Variants in CFAP47 observed in about 807,000 individuals in gnomAD.
CFAP47 encodes cilia- and flagella-associated protein 47.
In CFAP47, 29 loss-of-function variants were observed where a neutral mutation model predicts 148.1. That is an observed-to-expected ratio of 0.20 (90% confidence interval 0.15 to 0.27). The LOEUF is 0.27. Ranked by LOEUF, CFAP47 falls within the 10% of genes least tolerant of loss-of-function variation. The pLI is 1.00. For missense variants in CFAP47, 1,872 were observed against 1,697.5 expected, an observed-to-expected ratio of 1.10 and a Z score of -1.81; for synonymous variants, 664 against 577.3, an observed-to-expected ratio of 1.15 and a Z score of -2.15.
chrX:36,366,425 T>C (rs1216035648), intron 61 of CFAP47, among the ~76,000 whole-genome samples: 1 of 112,282 alleles, frequency 8.9e-6, no homozygotes, highest in Non-Finnish European at 1.9e-5. Flanking sequence ...AAGGTGTATG[T>C]GGTCTTTACC....
At chrX:36,080,236 A>G (rs1937949251) in intron 29 of CFAP47, among the ~76,000 whole-genome samples, 1 of 111,903 alleles carries the variant, frequency 8.9e-6, no homozygotes, top group Non-Finnish European at 1.9e-5. Context: ...GTGAGATACC[A>G]TCTCACATCC....
intron 54 of CFAP47, among the ~76,000 whole-genome samples, chrX:36,305,910 C>T (rs1046903828): frequency 5.4e-5 from 6 of 111,162 alleles, no homozygotes; most frequent in African/African-American, 2.0e-4. Flanking sequence ...GTGTAATAAA[C>T]AGGTGACTGT....
intron 2 of CFAP47, among the ~76,000 whole-genome samples, chrX:35,928,000 TA>T (rs1303919566): frequency 7.1e-4 from 60 of 84,552 alleles, no homozygotes; most frequent in African/African-American, 2.3e-3. Context: ...TTCTATTTTA[TA>T]TATATATATA....
intron 29 of CFAP47, among the ~76,000 whole-genome samples, chrX:36,074,177 G>T (rs1032685162): frequency 8.9e-6 from 1 of 111,942 alleles, no homozygotes; most frequent in Non-Finnish European, 1.9e-5. Flanking sequence ...CTTTGTCCCT[G>T]CTGTGAGAAA....
intron 57 of CFAP47, among the ~76,000 whole-genome samples, chrX:36,344,251 G>A (rs1344458339): frequency 4.2e-5 from 3 of 72,178 alleles, no homozygotes; most frequent in African/African-American, 2.4e-4. Flanking sequence ...AAAAAAAAGA[G>A]AGAAAGAAAA....
rs142497107 is a variant in CFAP47 at position 36,118,501 on chromosome X, G to A, written c.5320+13810G>A. Among the ~76,000 whole-genome samples the A allele has an allele frequency of 6.5e-3, 717 of 110,111 alleles. 8 individuals are homozygous for A. Among genetic ancestry groups the A allele is most frequent in the African/African-American group, 0.023 (694 of 30,146 alleles). ...ATTTATTTTTTTGAGATGGAGTCTTGCTCTGTCACCCAGGCTGGAATGCCG... is the reference window on the plus strand; with the variant it reads ...ATTTATTTTTTTGAGATGGAGTCTTACTCTGTCACCCAGGCTGGAATGCCG... On this transcript the variant is annotated intron_variant, in intron 33 of 63. Transcript: ENST00000378653.
At chrX:36,134,155 G>A (rs1431477923) in intron 33 of CFAP47, among the ~76,000 whole-genome samples, 1 of 110,986 alleles carries the variant, frequency 9.0e-6, no homozygotes, top group East Asian at 2.8e-4. Context: ...ACAAAACACT[G>A]ATGAAAGCAA....
chrX:36,169,463 T>A (rs1287488126), intron 39 of CFAP47, among the ~76,000 whole-genome samples: 1 of 111,095 alleles, frequency 9.0e-6, no homozygotes, highest in East Asian at 2.8e-4. Context: ...ATTATTTTTC[T>A]CCCTGTTCCT....
chrX:35,938,280 A>G (rs930844427), intron 2 of CFAP47, among the ~76,000 whole-genome samples: 24 of 110,851 alleles, frequency 2.2e-4, no homozygotes, highest in Non-Finnish European at 4.5e-4. Flanking sequence ...AGTTTTTTTC[A>G]TGATCACCAG....
intron 3 of CFAP47, among the ~76,000 whole-genome samples, chrX:35,945,872 T>TC (rs1017086883): frequency 3.2e-5 from 2 of 63,237 alleles, no homozygotes; most frequent in Non-Finnish European, 2.8e-5. Context: ...TCTCCTTCTC[T>TC]TTTTTTTTTT....
chrX:36,322,142 ATG>A (rs1160530824), intron 57 of CFAP47, among the ~76,000 whole-genome samples: 38 of 111,202 alleles, frequency 3.4e-4, no homozygotes, highest in Non-Finnish European at 6.2e-4. Flanking sequence ...TATGTTTGCA[ATG>A]TGACTTATCT....
intron 15 of CFAP47, among the ~76,000 whole-genome samples, chrX:35,978,836 T>C (rs765090270): frequency 8.9e-6 from 1 of 112,229 alleles, no homozygotes; most frequent in Non-Finnish European, 1.9e-5. Context: ...TGCCTCTCTC[T>C]ATATTTTTAT....
At chrX:36,285,140 G>A (rs1006192874) in intron 50 of CFAP47, among the ~76,000 whole-genome samples, 2 of 110,660 alleles carry the variant, frequency 1.8e-5, no homozygotes, top group African/African-American at 6.5e-5. Context: ...AAATTCTTAG[G>A]ATCCTTTTTC....
intron 29 of CFAP47, among the ~76,000 whole-genome samples, chrX:36,078,778 T>C (rs952503603): frequency 2.7e-5 from 3 of 111,441 alleles, no homozygotes; most frequent in African/African-American, 9.8e-5. Flanking sequence ...GCAATGATGG[T>C]CTTTACAATT....
chrX:36,017,409 A>G (rs1937109337), intron 22 of CFAP47, among the ~76,000 whole-genome samples: 1 of 112,152 alleles, frequency 8.9e-6, no homozygotes, highest in African/African-American at 3.2e-5. Flanking sequence ...TCGTTTGTCC[A>G]GTTTTGCTTT....
intron 58 of CFAP47, among the ~76,000 whole-genome samples, chrX:36,348,924 T>C (rs1941720359): frequency 1.8e-5 from 2 of 111,871 alleles, no homozygotes; most frequent in Admixed American, 1.9e-4. Context: ...TTGTCCTACA[T>C]GTGCATATTT....
chrX:36,319,176 T>A (rs1180526364), intron 56 of CFAP47, 33 bp from the exon 57 acceptor site: 4 of 767,918 alleles, frequency 5.2e-6, no homozygotes, highest in Non-Finnish European at 7.5e-6. Context: ...GAATGTGACA[T>A]TGAAGTGTAA....
intron 15 of CFAP47, among the ~76,000 whole-genome samples, chrX:35,977,232 A>T (rs989092566): frequency 8.9e-6 from 1 of 111,746 alleles, no homozygotes; most frequent in African/African-American, 3.3e-5. Context: ...CAGACTTTGG[A>T]TAATCGTAGC....
chrX:36,165,755 C>T (rs1948389651), intron 39 of CFAP47, among the ~76,000 whole-genome samples: 1 of 111,310 alleles, frequency 9.0e-6, no homozygotes, highest in Admixed American at 9.6e-5. Flanking sequence ...GTCATTTTTT[C>T]TTTATTCTGA....
Sources: gnomAD v4.1 joint callset for allele counts (sites outside exome capture counted in the v4.1 genomes callset) on GRCh38, gnomAD v4.1.1 for gene constraint, MANE v1.5 for transcripts, NCBI Gene and HGNC (gene_info 2026-07-23, HGNC 2026-07-21) for gene names.